The following CCDC148 variants were observed in gnomAD, a reference collection of about 807,000 sequenced individuals.
CCDC148 encodes the protein coiled-coil domain-containing protein 148.
In CCDC148, 89 loss-of-function variants were observed where a neutral mutation model predicts 85.7. That is an observed-to-expected ratio of 1.04 (90% CI 0.87 to 1.24). The LOEUF (loss-of-function observed/expected upper bound fraction) is 1.24, where lower values mean the gene tolerates loss of function less well. Ranked by LOEUF, CCDC148 falls within the 50% of genes most tolerant of loss-of-function variation. The probability of loss-of-function intolerance (pLI) is 0.00; values close to 1 mark genes in which losing one functional copy is unlikely to be tolerated. For synonymous variants in CCDC148, 230 were observed against 213.9 expected (o/e 1.08, Z -0.66); for missense variants, 692 against 671.7 (o/e 1.03, Z -0.33).
At chr2:158,236,234 G>C (rs1410251040) in intron 10 of CCDC148, 1 of 152,058 alleles carries the variant, frequency 6.6e-6, no homozygotes, top group Admixed American at 6.6e-5. Context: ...ACTCAAATTG[G>C]CAGTAAGCTA....
intron 1 of CCDC148, among the ~76,000 whole-genome samples, chr2:158,358,854 A>G (rs566440154): frequency 1.3e-5 from 2 of 152,034 alleles, no homozygotes; most frequent in African/African-American, 4.8e-5. Context: ...TTAGAAAATT[A>G]TAATACCAAG....
intron 2 of CCDC148, among the ~76,000 whole-genome samples, chr2:158,352,567 G>C (rs548427724): frequency 5.3e-5 from 8 of 151,990 alleles, no homozygotes; most frequent in Admixed American, 5.2e-4. Context: ...CAAGAAATAT[G>C]GGACTATGTG....
intron 2 of CCDC148, among the ~76,000 whole-genome samples, chr2:158,350,946 C>G (rs147312419): frequency 4.6e-5 from 7 of 152,052 alleles, no homozygotes; most frequent in Non-Finnish European, 1.0e-4. Flanking sequence ...CTCACTGTTA[C>G]TCATCCTCAC....
intron 1 of CCDC148, among the ~76,000 whole-genome samples, chr2:158,432,538 A>G (rs1435223659): frequency 6.6e-6 from 1 of 152,110 alleles, no homozygotes; most frequent in African/African-American, 2.4e-5. Context: ...GCCAAAAATA[A>G]CTCCAGAAGA....
intron 1 of CCDC148, among the ~76,000 whole-genome samples, chr2:158,405,710 C>T (rs973998163): frequency 5.9e-4 from 90 of 152,200 alleles, no homozygotes; most frequent in African/African-American, 2.1e-3. Context: ...TTTCAAAATT[C>T]CTCATATAAG....
intron 11 of CCDC148, among the ~76,000 whole-genome samples, chr2:158,196,474 C>A (rs570045791): frequency 1.3e-5 from 2 of 152,084 alleles, no homozygotes; most frequent in African/African-American, 4.8e-5. Flanking sequence ...ATGTCCAGTG[C>A]ATTATTTGCT....
At chr2:158,301,052 T>A (rs1332406098) in intron 9 of CCDC148, among the ~76,000 whole-genome samples, 1 of 152,082 alleles carries the variant, frequency 6.6e-6, no homozygotes, top group Non-Finnish European at 1.5e-5. Flanking sequence ...AGAGGCAGGG[T>A]CTTGCTATGT....
chr2:158,204,284 A>G (rs1032576151), intron 11 of CCDC148, among the ~76,000 whole-genome samples: 2 of 152,164 alleles, frequency 1.3e-5, no homozygotes, highest in African/African-American at 4.8e-5. Context: ...TTCAAATAGG[A>G]TCACAAATTA....
At chr2:158,371,800 AAAAAT>A (rs1456395013) in intron 1 of CCDC148, among the ~76,000 whole-genome samples, 2 of 151,984 alleles carry the variant, frequency 1.3e-5, no homozygotes, top group Non-Finnish European at 2.9e-5. Context: ...TTTTTTACTG[AAAAAT>A]AAAATTCATA....
At chr2:158,245,234 G>A (rs1283074537) in intron 10 of CCDC148, among the ~76,000 whole-genome samples, 1 of 152,160 alleles carries the variant, frequency 6.6e-6, no homozygotes, top group African/African-American at 2.4e-5. Context: ...GTTCTCTGCA[G>A]GAAACATGTA....
intron 1 of CCDC148, among the ~76,000 whole-genome samples, chr2:158,422,922 C>T (rs185441241): frequency 5.9e-5 from 9 of 152,086 alleles, no homozygotes; most frequent in East Asian, 1.9e-4. Flanking sequence ...AAATCACAAG[C>T]GGTCCTATAC....
chr2:158,278,947 C>T (rs1225812520), intron 9 of CCDC148, among the ~76,000 whole-genome samples: 1 of 152,146 alleles, frequency 6.6e-6, no homozygotes, highest in Non-Finnish European at 1.5e-5. Context: ...GAGGAACGAT[C>T]ACACAGCAGC....
chr2:158,388,198 C>T (rs759134304), intron 1 of CCDC148, among the ~76,000 whole-genome samples: 5 of 152,180 alleles, frequency 3.3e-5, no homozygotes, highest in Admixed American at 6.5e-5. Context: ...TATAAGTAGT[C>T]ATACCCTTAG....
chr2:158,436,174 A>G lies in CCDC148; in HGVS notation c.25+20241T>C, dbSNP rs138117694. 6.3e-3 allele frequency among the ~76,000 whole-genome samples: 965 copies of G among 152,320 alleles called. 13 individuals carry two copies. The highest frequency in any genetic ancestry group is 0.022 in the African/African-American group (920 of 41,552). On this transcript the variant is annotated intron_variant, in intron 1 of 13. Coordinates refer to ENST00000283233, the MANE Select transcript of CCDC148 (RefSeq NM_138803.4). Reference sequence around the variant, plus strand: ...TCCACCCCAAATCATCAGAATATACATTCTTCTCAGCACCCCATCACACTT... The same window carrying G: ...TCCACCCCAAATCATCAGAATATACGTTCTTCTCAGCACCCCATCACACTT...
chr2:158,307,225 GA>G, intron 9 of CCDC148, among the ~76,000 whole-genome samples: 1 of 151,652 alleles, frequency 6.6e-6, no homozygotes, highest in East Asian at 1.9e-4. Flanking sequence ...AAATAAGTAA[GA>G]AAAAAAAGCA....
chr2:158,376,847 A>G (rs1317053570), intron 1 of CCDC148, among the ~76,000 whole-genome samples: 1 of 152,090 alleles, frequency 6.6e-6, no homozygotes, highest in Non-Finnish European at 1.5e-5. Context: ...TGAAGTGGGT[A>G]GAGTTTTTAC....
intron 1 of CCDC148, 34 bp from the exon 2 acceptor site, chr2:158,358,604 A>G: frequency 6.9e-7 from 1 of 1,446,590 alleles, no homozygotes; most frequent in Non-Finnish European, 9.2e-7. Flanking sequence ...ATGACAAAGA[A>G]AGAATATCAT....
intron 1 of CCDC148, among the ~76,000 whole-genome samples, chr2:158,426,072 T>C (rs771603798): frequency 6.7e-6 from 1 of 148,882 alleles, no homozygotes; most frequent in Non-Finnish European, 1.5e-5. Flanking sequence ...GTTAATTCTC[T>C]TAGTAAAAAT....
At chr2:158,397,843 A>C (rs1685596636) in intron 1 of CCDC148, among the ~76,000 whole-genome samples, 6 of 152,114 alleles carry the variant, frequency 3.9e-5, no homozygotes, top group Admixed American at 3.3e-4. Flanking sequence ...AGCAAATTGG[A>C]TAAAGAGTCA....
Sources: allele counts gnomAD v4.1 joint callset (sites outside exome capture counted in the v4.1 genomes callset), GRCh38; gene constraint gnomAD v4.1.1; transcripts MANE v1.5; gene names NCBI Gene and HGNC (gene_info 2026-07-23, HGNC 2026-07-21).